Variants in PRKG1 observed in about 807,000 individuals in gnomAD.
PRKG1 encodes cGMP-dependent protein kinase 1.
Under a neutral mutation model 88.1 loss-of-function variants are expected in PRKG1, and 35 were observed. The ratio of observed to expected loss-of-function variants is 0.40; its 90% CI spans 0.30 to 0.53. The LOEUF is 0.53. Ranked by LOEUF, PRKG1 falls within the 20% of genes least tolerant of loss-of-function variation. The probability of loss-of-function intolerance (pLI) is 0.59; values close to 1 mark genes in which losing one functional copy is unlikely to be tolerated. For missense variants in PRKG1, 540 were observed against 839.8 expected, an observed-to-expected ratio of 0.64 and a Z score of 4.41; for synonymous variants, 303 against 292.5, an observed-to-expected ratio of 1.04 and a Z score of -0.37.
At chr10:51,383,930 A>G (rs1398510115) in intron 2 of PRKG1, among the ~76,000 whole-genome samples, 1 of 152,122 alleles carries the variant, frequency 6.6e-6, no homozygotes, top group Non-Finnish European at 1.5e-5. Flanking sequence ...CTGCTGTCTT[A>G]TTGTAATCAT....
At chr10:51,766,986 G>A (rs1838181187) in intron 3 of PRKG1, among the ~76,000 whole-genome samples, 1 of 152,156 alleles carries the variant, frequency 6.6e-6, no homozygotes, top group South Asian at 2.1e-4. Context: ...TTTAAGTAGT[G>A]ACTGATTGTT....
intron 3 of PRKG1, among the ~76,000 whole-genome samples, chr10:51,744,495 A>G (rs1000527826): frequency 1.3e-5 from 2 of 152,220 alleles, no homozygotes. Flanking sequence ...ACTTTCTCTC[A>G]GTCTCCTACC....
chr10:51,165,134 AG>A (rs1179570718), intron 2 of PRKG1, among the ~76,000 whole-genome samples: 1 of 152,232 alleles, frequency 6.6e-6, no homozygotes, highest in Non-Finnish European at 1.5e-5. Context: ...AAAAGTGTTA[AG>A]GGCAGCCAGA....
intron 10 of PRKG1, 59 bp from the exon 11 acceptor site, chr10:52,271,291 A>G: frequency 6.5e-7 from 1 of 1,543,976 alleles, no homozygotes; most frequent in South Asian, 1.2e-5. Context: ...ATTTGGGGAT[A>G]ATAATGCACT....
rs1183885001 is a variant in PRKG1, at chr10:51,935,958, A to G, written c.762+28388A>G. 2.6e-5 allele frequency among the ~76,000 whole-genome samples: 4 copies of G among 152,084 alleles called. No homozygotes were observed. In the East Asian group the frequency reaches 7.7e-4, roughly 29 times the overall value. Reference sequence around the variant, plus strand: ...AGACAGCCTTATGTGTTAATTGCATAGCCACCCCTCCTATAATCTCTAACT... The same window carrying G: ...AGACAGCCTTATGTGTTAATTGCATGGCCACCCCTCCTATAATCTCTAACT... On this transcript the variant is annotated intron_variant, in intron 5 of 17. Transcript: ENST00000373980.
chr10:51,756,484 C>CA (rs55967411), intron 3 of PRKG1, among the ~76,000 whole-genome samples: 1,175 of 107,918 alleles, frequency 0.011, 20 homozygotes, highest in African/African-American at 0.026. Flanking sequence ...GAGACTGTCT[C>CA]AAAAAAAAAA....
intron 3 of PRKG1, among the ~76,000 whole-genome samples, chr10:51,733,785 T>A (rs1463380926): frequency 6.6e-6 from 1 of 152,188 alleles, no homozygotes; most frequent in African/African-American, 2.4e-5. Flanking sequence ...CTTTTGATCC[T>A]GCAATTGTCG....
chr10:51,228,987 C>A (rs1295906824), intron 2 of PRKG1, among the ~76,000 whole-genome samples: 4 of 152,124 alleles, frequency 2.6e-5, no homozygotes, highest in Non-Finnish European at 5.9e-5. Context: ...GAGTGAAATG[C>A]ACTTTTCTAC....
At chr10:51,603,789 T>A (rs1838679733) in intron 3 of PRKG1, among the ~76,000 whole-genome samples, 1 of 152,142 alleles carries the variant, frequency 6.6e-6, no homozygotes, top group Admixed American at 6.5e-5. Flanking sequence ...GGTAAGGTGA[T>A]GACATAGAGT....
At chr10:51,455,863 T>C (rs1588975205) in intron 2 of PRKG1, among the ~76,000 whole-genome samples, 1 of 152,186 alleles carries the variant, frequency 6.6e-6, no homozygotes, top group East Asian at 1.9e-4. Context: ...TTATCTGTCT[T>C]CTTCTGAGCC....
intron 3 of PRKG1, among the ~76,000 whole-genome samples, chr10:51,550,542 C>T (rs568828636): frequency 5.3e-5 from 8 of 152,036 alleles, no homozygotes; most frequent in African/African-American, 1.9e-4. Context: ...CTTAGAGATA[C>T]AAAATGCTAG....
chr10:51,920,847 A>G (rs1476639783), intron 5 of PRKG1, among the ~76,000 whole-genome samples: 1 of 152,134 alleles, frequency 6.6e-6, no homozygotes, highest in Non-Finnish European at 1.5e-5. Context: ...AGGTTTACAG[A>G]AAAACTGAAC....
upstream of PRKG1, among the ~76,000 whole-genome samples, chr10:51,070,490 A>G (rs1232261061): frequency 6.6e-6 from 1 of 152,140 alleles, no homozygotes; most frequent in Non-Finnish European, 1.5e-5. Flanking sequence ...ATTTTTTCCC[A>G]TTCAAGATAT....
chr10:51,782,310 C>G (rs113949259), intron 3 of PRKG1, among the ~76,000 whole-genome samples: 1 of 152,072 alleles, frequency 6.6e-6, no homozygotes, highest in Admixed American at 6.6e-5. Flanking sequence ...AGGTTGTAGC[C>G]TCGTGAGCCA....
chr10:51,519,293 C>T (rs1019964247), intron 3 of PRKG1, among the ~76,000 whole-genome samples: 3 of 152,054 alleles, frequency 2.0e-5, no homozygotes, highest in African/African-American at 2.4e-5. Flanking sequence ...TTTCAACAAC[C>T]TATAAGTAAG....
chr10:51,437,290 C>A (rs923085912), intron 2 of PRKG1, among the ~76,000 whole-genome samples: 1 of 151,978 alleles, frequency 6.6e-6, no homozygotes, highest in Admixed American at 6.6e-5. Flanking sequence ...CTATTCTGAG[C>A]CTATTTCCTG....
intron 2 of PRKG1, among the ~76,000 whole-genome samples, chr10:51,209,373 A>T (rs1838152988): frequency 1.3e-5 from 2 of 152,174 alleles, no homozygotes; most frequent in Admixed American, 1.3e-4. Flanking sequence ...GAATCCAGTG[A>T]ACAGATAAGT....
At chr10:51,993,263 C>T (rs1483585281) in intron 5 of PRKG1, among the ~76,000 whole-genome samples, 2 of 151,822 alleles carry the variant, frequency 1.3e-5, no homozygotes, top group Non-Finnish European at 2.9e-5. Flanking sequence ...TTTATTTCCT[C>T]TTAAGTGGCT....
chr10:51,707,590 T>TC (rs11394153), intron 3 of PRKG1, among the ~76,000 whole-genome samples: 1 of 103,842 alleles, frequency 9.6e-6, no homozygotes, highest in Non-Finnish European at 1.9e-5. Context: ...CGCATGAATC[T>TC]TTTTTTTTTT....
Sources: gnomAD v4.1 joint callset for allele counts (sites outside exome capture counted in the v4.1 genomes callset) on GRCh38, gnomAD v4.1.1 for gene constraint, MANE v1.5 for transcripts, NCBI Gene and HGNC (gene_info 2026-07-23, HGNC 2026-07-21) for gene names.